Variants in TPCN2 observed in about 807,000 individuals in gnomAD.
The protein encoded by TPCN2 is two pore segment channel 2.
In TPCN2, 92 loss-of-function variants were observed where a neutral mutation model predicts 111.4. The ratio of observed to expected loss-of-function variants is 0.83; its 90% confidence interval spans 0.70 to 0.98. TPCN2 has a LOEUF of 0.98. Among genes scored for constraint, TPCN2 ranks in the 50% least tolerant of loss-of-function variants. The pLI, the probability that TPCN2 is intolerant of heterozygous loss-of-function variation, is 0.00. For missense variants in TPCN2, 995 were observed against 980.1 expected, an observed-to-expected ratio of 1.02 and a Z score of -0.20; for synonymous variants, 405 against 414.5, an observed-to-expected ratio of 0.98 and a Z score of 0.28.
chr11:69,083,691 G>A (rs781693696), intron 18 of TPCN2, among the ~76,000 whole-genome samples: 26 of 152,282 alleles, frequency 1.7e-4, no homozygotes, highest in Non-Finnish European at 3.1e-4. Flanking sequence ...CGATGCAAGC[G>A]TGTGCGAATG....
At chr11:69,070,002 TTTTCTTTCTTTTTTTC>T (rs1195702549) in intron 8 of TPCN2, among the ~76,000 whole-genome samples, 17 of 150,384 alleles carry the variant, frequency 1.1e-4, no homozygotes, top group Non-Finnish European at 2.2e-4. Flanking sequence ...TTTTTTTTCC[TTTTCTTTCTTTTTTTC>T]TTTCTTTCTT....
At chr11:69,086,372 T>C in intron 22 of TPCN2, 151 bp from the exon 23 acceptor site, 1 of 697,242 alleles carries the variant, frequency 1.4e-6, no homozygotes, top group South Asian at 1.7e-5. Flanking sequence ...AGTTGGGTTG[T>C]TTCTGAGATG....
At chr11:69,077,054 CG>C (rs1207256148) in intron 13 of TPCN2, among the ~76,000 whole-genome samples, 145 of 112,138 alleles carry the variant, frequency 1.3e-3, no homozygotes, top group African/African-American at 1.6e-3. Flanking sequence ...CACCTGCCCT[CG>C]TGCCATGTCC....
chr11:69,061,568 GA>G (rs1316731808), intron 5 of TPCN2, among the ~76,000 whole-genome samples: 1 of 152,180 alleles, frequency 6.6e-6, no homozygotes, highest in African/African-American at 2.4e-5. Flanking sequence ...AGCACAGGCG[GA>G]TCGGGCAGTG....
At chr11:69,053,359 G>A (rs1202306364) in intron 1 of TPCN2, among the ~76,000 whole-genome samples, 1 of 152,284 alleles carries the variant, frequency 6.6e-6, no homozygotes, top group South Asian at 2.1e-4. Context: ...CCCATGGACC[G>A]GGACAGTGAG....
chr11:69,054,916 A>G, intron 3 of TPCN2, 119 bp downstream of exon 3: 1 of 1,039,472 alleles, frequency 9.6e-7, no homozygotes. Flanking sequence ...CTACATAGAT[A>G]GGGCGGTTAC....
chr11:69,077,016 G>T (rs1374316997), intron 13 of TPCN2, among the ~76,000 whole-genome samples: 2 of 34,882 alleles, frequency 5.7e-5, no homozygotes, highest in Admixed American at 2.9e-4. Flanking sequence ...CCCTCCACCT[G>T]CCCTCCTGCC....
At chr11:69,086,680 CGGCCG>C (rs1856290016) in intron 23 of TPCN2, 76 bp downstream of exon 23, 7 of 1,428,262 alleles carry the variant, frequency 4.9e-6, no homozygotes, top group Non-Finnish European at 6.9e-6. Context: ...CTGAGGCCAC[CGGCCG>C]GGCCTGCCTG....
At chr11:69,054,323 G>T (rs764855412) in intron 2 of TPCN2, 1 of 586,360 alleles carries the variant, frequency 1.7e-6, no homozygotes, top group Non-Finnish European at 3.0e-6. Context: ...TCTGAGGCCT[G>T]TTGTGGACCA....
chr11:69,056,196 C>T (rs543069111), intron 4 of TPCN2, among the ~76,000 whole-genome samples: 12 of 152,350 alleles, frequency 7.9e-5, no homozygotes, highest in East Asian at 5.8e-4. Context: ...CCAGCCCTGC[C>T]GCTCCTTGGC....
chr11:69,065,987 C>T (rs991468838), intron 7 of TPCN2, among the ~76,000 whole-genome samples: 1 of 151,970 alleles, frequency 6.6e-6, no homozygotes, highest in East Asian at 1.9e-4. Context: ...AGAGGAGGAG[C>T]GTGAGGCCTG....
At chr11:69,076,828 C>A (rs1316027511) in intron 13 of TPCN2, among the ~76,000 whole-genome samples, 1,064 of 105,714 alleles carry the variant, frequency 0.01, no homozygotes, top group South Asian at 0.019. Context: ...CCCTCCTGCC[C>A]TCGTGCCATG....
chr11:69,078,574 C>T lies in TPCN2; in HGVS notation c.1323C>T (p.Ile441=), dbSNP rs142513667. 5.9e-5 allele frequency: 95 copies of T among 1,613,960 alleles called. No homozygotes were observed. Among genetic ancestry groups the T allele is most frequent in the Middle Eastern group, 3.3e-4 (2 of 6,084 alleles). The change falls in exon 14 of 25, where the codon ATC becomes ATT. Residue 441 remains isoleucine (I), a synonymous_variant. Transcript: ENST00000294309. ...HYYFDYLGNL[I]ALANLVSICV... ...ACTTTGACTACCTGGGGAACCTCAT[C>T]GCCCTGGCAAACCTGGTGTCCATTT... is the stretch of plus-strand genomic sequence containing the variant.
rs1247924069 is a variant in TPCN2 at position 69,071,925 on chromosome 11, A to G, written c.963A>G (p.Lys321=). ...GTTCATAGCCTTCCTCTTTGCAGAA[A>G]TCTCTCCAGACCTCGCTGTTTCGGA... is the stretch of plus-strand genomic sequence containing the variant. ...IYSQFRGYLM[K]SLQTSLFRRR... The change falls in exon 11 of 25, where the codon AAA becomes AAG. Residue 321 remains lysine (K), a splice_region_variant and synonymous_variant. Transcript: ENST00000294309. 12 of 1,613,614 alleles carry G rather than the reference A, an allele frequency of 7.4e-6. No homozygotes were observed. Among genetic ancestry groups the G allele is most frequent in the South Asian group, 1.1e-5 (1 of 91,014 alleles).
chr11:69,064,372 C>G (rs531460478), intron 7 of TPCN2, among the ~76,000 whole-genome samples: 2 of 145,158 alleles, frequency 1.4e-5, no homozygotes, highest in Admixed American at 1.5e-4. Context: ...CAGCCCTGTT[C>G]ATCCTTCCTG....
intron 1 of TPCN2, among the ~76,000 whole-genome samples, chr11:69,051,447 G>A (rs762900271): frequency 2.0e-5 from 3 of 152,198 alleles, no homozygotes; most frequent in Non-Finnish European, 4.4e-5. Context: ...GGTCCATGAG[G>A]ACCTGGAGCA....
chr11:69,086,490 G>A (rs1590756438), intron 22 of TPCN2, 33 bp from the exon 23 acceptor site: 14 of 1,592,320 alleles, frequency 8.8e-6, no homozygotes, highest in East Asian at 2.2e-5. Flanking sequence ...TTTGCTCATC[G>A]TGGTTCACAG....
rs1014732189 is a variant in TPCN2 at position 69,088,912 on chromosome 11, G to C, written c.*959G>C. ...TGGGACTTGGTTGACTACATTTAAG[G>C]TAAGGTGGACCCAGCAACTCCCAGA... On this transcript the variant is annotated 3_prime_UTR_variant, in exon 25 of 25. Coordinates refer to ENST00000294309, the MANE Select transcript of TPCN2 (RefSeq NM_139075.4). 6.6e-6 allele frequency: 1 copy of C among 152,116 alleles called. No homozygotes were observed. The highest frequency in any genetic ancestry group is 1.9e-4 in the East Asian group (1 of 5,184). 9.4% of individuals were successfully genotyped at this position (152,116 alleles called of 1,614,324 possible). A position where few individuals can be genotyped will look rare whatever the true frequency, so the allele number is the denominator to read the frequency against.
At chr11:69,059,736 G>A (rs985669971) in intron 5 of TPCN2, among the ~76,000 whole-genome samples, 1 of 152,234 alleles carries the variant, frequency 6.6e-6, no homozygotes, top group African/African-American at 2.4e-5. Flanking sequence ...GCTGGGAGAG[G>A]CGTTGGAGGC....
Sources: allele counts gnomAD v4.1 joint callset (sites outside exome capture counted in the v4.1 genomes callset), GRCh38; gene constraint gnomAD v4.1.1; transcripts MANE v1.5; gene names NCBI Gene and HGNC (gene_info 2026-07-23, HGNC 2026-07-21).